Variants in AMOTL1 observed in about 807,000 individuals in gnomAD.
AMOTL1 encodes the protein angiomotin-like protein 1.
AMOTL1 carries 45 observed loss-of-function variants against 102.9 expected under a neutral mutation model. The observed-to-expected ratio is 0.44, with a 90% CI of 0.34 to 0.56. The LOEUF (loss-of-function observed/expected upper bound fraction) is 0.56. Among genes scored for constraint, AMOTL1 ranks in the 20% least tolerant of loss-of-function variants. The pLI, the probability that AMOTL1 is intolerant of heterozygous loss-of-function variation, is 0.01. For synonymous variants in AMOTL1, 481 were observed against 484.7 expected (o/e 0.99, Z 0.10); for missense variants, 1,114 against 1,225.6 (o/e 0.91, Z 1.36).
rs1354041043 is a variant in AMOTL1, at chr11:94,832,239, ATTCATATC to A, written c.1648+700_1648+707del. On this transcript the variant is annotated intron_variant, in intron 6 of 12. Transcript: ENST00000433060. Reference sequence around the variant, plus strand: ...TTTTTTAAGCTGTTTTGAAAATGGAATTCATATCTATATCATAATTCTCAATAAGATTA... The same window carrying A: ...TTTTTTAAGCTGTTTTGAAAATGGAATATATCATAATTCTCAATAAGATTA... Among the ~76,000 whole-genome samples the A allele has an allele frequency of 2.0e-5, 3 of 152,330 alleles. No homozygotes were observed. The East Asian group carries it at 5.8e-4, about 29-fold the overall frequency.
At chr11:94,786,114 G>T (rs1253745924) in intron 1 of AMOTL1, among the ~76,000 whole-genome samples, 1 of 152,120 alleles carries the variant, frequency 6.6e-6, no homozygotes, top group African/African-American at 2.4e-5. Flanking sequence ...CTGAGGAAAA[G>T]AATCTCGAGT....
intron 1 of AMOTL1, among the ~76,000 whole-genome samples, chr11:94,727,567 T>C (rs1318359290): frequency 6.6e-6 from 1 of 152,140 alleles, no homozygotes; most frequent in Non-Finnish European, 1.5e-5. Context: ...AAGCATATTA[T>C]TATAGGCTGC....
chr11:94,786,445 G>A (rs953008128), intron 1 of AMOTL1, among the ~76,000 whole-genome samples: 2 of 152,210 alleles, frequency 1.3e-5, no homozygotes, highest in African/African-American at 2.4e-5. Flanking sequence ...AGCAAGGGCC[G>A]CATTTAGGGC....
intron 1 of AMOTL1, among the ~76,000 whole-genome samples, chr11:94,771,414 G>A (rs1037865327): frequency 1.3e-5 from 2 of 152,066 alleles, no homozygotes; most frequent in Middle Eastern, 3.2e-3. Context: ...TAAAATCCTC[G>A]AAAAGCAAGG....
intron 5 of AMOTL1, 40 bp from the exon 6 acceptor site, chr11:94,831,412 C>A: frequency 6.7e-7 from 1 of 1,492,208 alleles, no homozygotes; most frequent in Non-Finnish European, 9.3e-7. Flanking sequence ...GACTTCAATC[C>A]ATATACATTT....
In AMOTL1 at chr11:94,873,294, G is replaced by A. The variant is rs561477698; in HGVS notation, c.*2499G>A. The stretch of plus-strand genomic sequence containing the variant: ...TATTTTTTTTCTCTTAACCTACTGA[G>A]ACTCTTCCTTAAGAACAGGATCTAT... On this transcript the variant is annotated 3_prime_UTR_variant, in exon 13 of 13. Coordinates refer to ENST00000433060, the MANE Select transcript of AMOTL1 (RefSeq NM_130847.3). 6.6e-6 allele frequency: 1 copy of A among 152,156 alleles called. No individual in the cohort carries two copies. The highest frequency in any genetic ancestry group is 2.4e-5 in the African/African-American group (1 of 41,516). 9.4% of individuals were successfully genotyped at this position (152,156 alleles called of 1,614,324 possible). A position where few individuals can be genotyped will look rare whatever the true frequency, so the allele number is the denominator to read the frequency against.
chr11:94,866,225 C>T, intron 11 of AMOTL1, 57 bp downstream of exon 11: 1 of 1,536,386 alleles, frequency 6.5e-7, no homozygotes, highest in South Asian at 1.2e-5. Flanking sequence ...GACAGCTTCT[C>T]TGCCACTCAT....
At chr11:94,861,644 A>G (rs1159657050) in intron 9 of AMOTL1, among the ~76,000 whole-genome samples, 2 of 152,198 alleles carry the variant, frequency 1.3e-5, no homozygotes, top group Non-Finnish European at 2.9e-5. Context: ...TGTGAAATAT[A>G]AATGATGAGA....
intron 6 of AMOTL1, among the ~76,000 whole-genome samples, chr11:94,844,037 G>A (rs1952358541): frequency 6.6e-6 from 1 of 152,096 alleles, no homozygotes; most frequent in Non-Finnish European, 1.5e-5. Flanking sequence ...CTCTGGTAAT[G>A]CCCTTTAAGC....
intron 6 of AMOTL1, among the ~76,000 whole-genome samples, chr11:94,842,040 A>G (rs1952313426): frequency 6.6e-6 from 1 of 152,240 alleles, no homozygotes; most frequent in African/African-American, 2.4e-5. Flanking sequence ...ATGTTAAGAC[A>G]AAAATGTGTT....
chr11:94,811,480 A>G (rs1435363354), intron 3 of AMOTL1, among the ~76,000 whole-genome samples: 2 of 151,854 alleles, frequency 1.3e-5, no homozygotes, highest in African/African-American at 4.8e-5. Flanking sequence ...TGGGCGACAG[A>G]GCAAGACTCT....
chr11:94,723,791 G>T (rs545568611), intron 1 of AMOTL1, among the ~76,000 whole-genome samples: 2 of 152,144 alleles, frequency 1.3e-5, no homozygotes, highest in Admixed American at 1.3e-4. Flanking sequence ...TGAATACCTA[G>T]AATGTTTTTC....
chr11:94,856,987 T>C (rs1228123432), intron 8 of AMOTL1, among the ~76,000 whole-genome samples: 1 of 152,090 alleles, frequency 6.6e-6, no homozygotes, highest in Non-Finnish European at 1.5e-5. Flanking sequence ...TCTGGACCTT[T>C]CCAGAAGGGC....
intron 1 of AMOTL1, among the ~76,000 whole-genome samples, chr11:94,708,086 C>T (rs188113373): frequency 6.6e-6 from 1 of 152,256 alleles, no homozygotes; most frequent in East Asian, 1.9e-4. Context: ...TCTCTCTACC[C>T]CACCACTACT....
intron 2 of AMOTL1, among the ~76,000 whole-genome samples, chr11:94,797,389 G>A (rs776992192): frequency 2.0e-5 from 3 of 152,250 alleles, no homozygotes; most frequent in Admixed American, 1.3e-4. Context: ...TGGAGCTCAT[G>A]TAGGTATTCT....
At chr11:94,836,215 G>C (rs927700801) in intron 6 of AMOTL1, among the ~76,000 whole-genome samples, 1 of 152,152 alleles carries the variant, frequency 6.6e-6, no homozygotes, top group African/African-American at 2.4e-5. Flanking sequence ...ATCCTCATTA[G>C]GTTTCATTAC....
rs778735705 is a variant in AMOTL1 at position 94,725,671 on chromosome 11, G to A, written c.-50-3250G>A. The stretch of plus-strand genomic sequence containing the variant: ...AGGAACACAGAACCAAGTCTAAGAT[G>A]AGATGTGGAAGATAAGTTGTAGTTA... On this transcript the variant is annotated intron_variant, in intron 1 of 4. Coordinates refer to the AMOTL1 transcript ENST00000299004. Among the ~76,000 whole-genome samples the A allele has an allele frequency of 7.8e-4, 119 of 152,266 alleles. 1 individual carries two copies. Among genetic ancestry groups the A allele is most frequent in the Non-Finnish European group, 1.5e-3 (100 of 68,008 alleles).
At chr11:94,833,434 T>C (rs1340706612) in intron 6 of AMOTL1, among the ~76,000 whole-genome samples, 1 of 152,202 alleles carries the variant, frequency 6.6e-6, no homozygotes, top group Non-Finnish European at 1.5e-5. Context: ...AATTAGCATG[T>C]CCCCCACATA....
At chr11:94,813,681 G>A (rs985664331) in intron 3 of AMOTL1, among the ~76,000 whole-genome samples, 7 of 152,120 alleles carry the variant, frequency 4.6e-5, no homozygotes, top group Middle Eastern at 3.4e-3. Flanking sequence ...TATACATGTC[G>A]TCCCATGTGT....
Sources: gnomAD v4.1 joint callset for allele counts (sites outside exome capture counted in the v4.1 genomes callset) on GRCh38, gnomAD v4.1.1 for gene constraint, MANE v1.5 for transcripts, NCBI Gene and HGNC (gene_info 2026-07-23, HGNC 2026-07-21) for gene names.